The following ASIP variants were observed in gnomAD, a reference collection of about 807,000 sequenced individuals.
The protein encoded by ASIP is agouti signaling protein, also known as agouti-signaling protein.
A neutral mutation model predicts 10.3 loss-of-function variants in ASIP; 11 were observed. The ratio of observed to expected loss-of-function variants is 1.07; its 90% CI spans 0.68 to 1.78. ASIP has a LOEUF of 1.78. Among genes scored for constraint, ASIP ranks in the 40% most tolerant of loss-of-function variants. The pLI is 0.00. For synonymous variants in ASIP, 70 were observed against 70.8 expected, an observed-to-expected ratio of 0.99 and a Z score of 0.06; for missense variants, 180 against 169.2, an observed-to-expected ratio of 1.06 and a Z score of -0.35.
Position 34,262,756 on chromosome 20 carries a change from C to T in ASIP, c.161-76C>T, listed in dbSNP as rs2035716509. On this transcript the variant is annotated intron_variant, in intron 2 of 3. Transcript: ENST00000374954. ...CTGACCTTGTGACTTCCCAAGCCCC[C>T]TCTGCCCCTCTCACTTCACTGCAGC... 7.8e-6 allele frequency: 12 copies of T among 1,546,040 alleles called. No homozygotes were observed. In the Admixed American group the frequency reaches 2.0e-4, roughly 26 times the overall value.
At chr20:34,193,461 C>G (rs1238326266), upstream of ASIP, among the ~76,000 whole-genome samples, 1 of 151,666 alleles carries the variant, frequency 6.6e-6, no homozygotes, top group African/African-American at 2.4e-5. Context: ...CATTAAAAAC[C>G]AAACACATTG....
intron 1 of ASIP, chr20:34,213,879 A>T (rs2034990540): frequency 6.4e-7 from 1 of 1,565,086 alleles, no homozygotes; most frequent in South Asian, 1.1e-5. Flanking sequence ...TGAAAGCTTT[A>T]CTAGTTCGAC....
intron 1 of ASIP, among the ~76,000 whole-genome samples, chr20:34,221,443 T>C (rs6119473): frequency 0.12 from 17,622 of 152,212 alleles, 1,084 homozygotes; most frequent in South Asian, 0.2. Flanking sequence ...TCAGCTTGCA[T>C]TTATTGGGCC....
chr20:34,206,697 G>A (rs2034939263), intron 1 of ASIP, among the ~76,000 whole-genome samples: 1 of 152,142 alleles, frequency 6.6e-6, no homozygotes, highest in South Asian at 2.1e-4. Flanking sequence ...TTTTGCCTCA[G>A]CCTCAAGAGT....
At chr20:34,214,919 T>C (rs2034997671) in intron 1 of ASIP, 5 of 1,498,374 alleles carry the variant, frequency 3.3e-6, no homozygotes, top group Non-Finnish European at 3.7e-6. Context: ...TGAGCATTCT[T>C]AATATTCCCA....
rs1357727867 is a variant in ASIP at position 34,213,589 on chromosome 20, G to A, written c.-11+18829G>A. On this transcript the variant is annotated intron_variant, in intron 1 of 3. Coordinates refer to the ASIP transcript ENST00000568305. Reference sequence around the variant, plus strand: ...GGGCATGAACATCTGTTGTAAAAACGGGGATACTTGTACCTTGAATTTGGC... The same window carrying A: ...GGGCATGAACATCTGTTGTAAAAACAGGGATACTTGTACCTTGAATTTGGC... 6.4e-6 allele frequency: 10 copies of A among 1,556,068 alleles called. No homozygotes were observed. The East Asian group carries it at 6.7e-5, about 10-fold the overall frequency.
chr20:34,258,499 T>C (rs953861664), intron 1 of ASIP, among the ~76,000 whole-genome samples: 17 of 149,238 alleles, frequency 1.1e-4, no homozygotes, highest in African/African-American at 3.9e-4. Context: ...AGTAAATAAA[T>C]GTTTGTATAG....
At chr20:34,258,022 T>C (rs574435084) in intron 1 of ASIP, among the ~76,000 whole-genome samples, 1 of 152,150 alleles carries the variant, frequency 6.6e-6, no homozygotes, top group Admixed American at 6.6e-5. Flanking sequence ...CAAGCACCTG[T>C]AGTCCCAGCT....
upstream of ASIP, among the ~76,000 whole-genome samples, chr20:34,191,161 C>T (rs1425953818): frequency 2.0e-5 from 3 of 152,190 alleles, no homozygotes; most frequent in Admixed American, 2.0e-4. Context: ...CCCTGACATA[C>T]AGGTGGTGGA....
chr20:34,226,386 T>C (rs1450807840), intron 1 of ASIP, among the ~76,000 whole-genome samples: 1 of 152,160 alleles, frequency 6.6e-6, no homozygotes, highest in African/African-American at 2.4e-5. Context: ...GGAGTCTCGC[T>C]GTGTCACCCA....
intron 1 of ASIP, among the ~76,000 whole-genome samples, chr20:34,219,885 T>C (rs977374309): frequency 5.3e-5 from 8 of 151,962 alleles, no homozygotes; most frequent in Non-Finnish European, 7.4e-5. Flanking sequence ...GTCAGGAGAT[T>C]GAGACCATCC....
chr20:34,265,071 C>T (rs1239930638), intron 3 of ASIP, among the ~76,000 whole-genome samples: 1 of 151,996 alleles, frequency 6.6e-6, no homozygotes, highest in African/African-American at 2.4e-5. Context: ...CTGGGATTAC[C>T]TGCATTAGCC....
At chr20:34,201,433 C>G (rs1259445114) in intron 1 of ASIP, among the ~76,000 whole-genome samples, 1 of 152,164 alleles carries the variant, frequency 6.6e-6, no homozygotes, top group East Asian at 1.9e-4. Flanking sequence ...TACCATTCAC[C>G]TCTTTGTTTT....
intron 1 of ASIP, among the ~76,000 whole-genome samples, chr20:34,256,489 A>G (rs2035571541): frequency 6.6e-6 from 1 of 152,164 alleles, no homozygotes; most frequent in East Asian, 1.9e-4. Flanking sequence ...TTTTTTGTAG[A>G]GATGAGGTCT....
intron 1 of ASIP, among the ~76,000 whole-genome samples, chr20:34,250,547 C>T (rs1186906618): frequency 6.6e-6 from 1 of 152,058 alleles, no homozygotes; most frequent in Non-Finnish European, 1.5e-5. Context: ...CCTGTAATCC[C>T]AGCACTTTGG....
intron 1 of ASIP, among the ~76,000 whole-genome samples, chr20:34,205,534 C>T (rs906587804): frequency 2.7e-5 from 4 of 150,844 alleles, no homozygotes; most frequent in Admixed American, 1.3e-4. Context: ...TTGCGAAGAG[C>T]GAAAGAACAA....
chr20:34,250,604 C>G (rs2035458193), intron 1 of ASIP, among the ~76,000 whole-genome samples: 1 of 152,140 alleles, frequency 6.6e-6, no homozygotes, highest in Non-Finnish European at 1.5e-5. Context: ...TTGAGACCAG[C>G]CTGGTCAACA....
chr20:34,265,387 G>T (rs1239703552), intron 3 of ASIP, among the ~76,000 whole-genome samples: 4 of 152,108 alleles, frequency 2.6e-5, no homozygotes, highest in Non-Finnish European at 5.9e-5. Context: ...AACTGGGTGT[G>T]GTGGTGTGCT....
chr20:34,221,862 C>A (rs1357053912), intron 1 of ASIP, among the ~76,000 whole-genome samples: 1 of 152,166 alleles, frequency 6.6e-6, no homozygotes, highest in Non-Finnish European at 1.5e-5. Flanking sequence ...GTAATCCCAG[C>A]ACTTTGGGAG....
Sources: allele counts gnomAD v4.1 joint callset (sites outside exome capture counted in the v4.1 genomes callset), GRCh38; gene constraint gnomAD v4.1.1; transcripts MANE v1.5; gene names NCBI Gene and HGNC (gene_info 2026-07-23, HGNC 2026-07-21).